The following EFCAB14 variants were observed in gnomAD, a reference collection of about 807,000 sequenced individuals.
EFCAB14 encodes EF-hand calcium-binding domain-containing protein 14.
In EFCAB14, 43 loss-of-function variants were observed where a neutral mutation model predicts 56.5. That is an observed-to-expected ratio of 0.76 (90% CI 0.60 to 0.98). The LOEUF (loss-of-function observed/expected upper bound fraction) is 0.98. Among genes scored for constraint, EFCAB14 ranks in the 50% least tolerant of loss-of-function variants. The probability of loss-of-function intolerance (pLI) is 0.00; values close to 1 mark genes in which losing one functional copy is unlikely to be tolerated. For missense variants in EFCAB14, 538 were observed against 580.3 expected (o/e 0.93, Z 0.75); for synonymous variants, 235 against 212.9 (o/e 1.10, Z -0.90).
At chr1:46,689,062 G>A (rs1676936353) in intron 6 of EFCAB14, among the ~76,000 whole-genome samples, 1 of 152,144 alleles carries the variant, frequency 6.6e-6, no homozygotes, top group East Asian at 1.9e-4. Context: ...GTTTTAAAGG[G>A]CATTAAACTC....
At position 46,718,460 on chromosome 1, in the gene EFCAB14, C is replaced by G. The variant is rs929765084; in HGVS notation, c.-373G>C. The G allele has an allele frequency of 3.6e-5, 6 of 164,404 alleles. No individual in the cohort carries two copies. The highest frequency in any genetic ancestry group is 1.4e-4 in the African/African-American group (6 of 41,910). 10.2% of individuals were successfully genotyped at this position (164,404 alleles called of 1,614,324 possible). On this transcript the variant is annotated 5_prime_UTR_variant, in exon 1 of 11. Transcript: ENST00000371933. ...CAGCCCGGATAAGTAGGCAATACTT[C>G]TAAGGGTGCTCCAGGAGGTGAGGAA... is the stretch of plus-strand genomic sequence containing the variant.
intron 3 of EFCAB14, among the ~76,000 whole-genome samples, chr1:46,707,304 A>G (rs1461637721): frequency 1.3e-5 from 2 of 152,258 alleles, no homozygotes; most frequent in African/African-American, 4.8e-5. Flanking sequence ...ATCCTTATAC[A>G]TACAAGATGC....
chr1:46,700,296 G>C (rs1158343850), intron 3 of EFCAB14, among the ~76,000 whole-genome samples: 2 of 152,164 alleles, frequency 1.3e-5, no homozygotes, highest in Non-Finnish European at 2.9e-5. Context: ...TCAAATAAGT[G>C]ACAGTTCTTT....
chr1:46,696,043 G>A (rs1433300132), intron 4 of EFCAB14, among the ~76,000 whole-genome samples: 5 of 151,112 alleles, frequency 3.3e-5, no homozygotes, highest in African/African-American at 4.9e-5. Context: ...AATTTCCTTC[G>A]TTCCACATAT....
chr1:46,704,287 TA>T (rs1677203576), intron 3 of EFCAB14, among the ~76,000 whole-genome samples: 1 of 150,656 alleles, frequency 6.6e-6, no homozygotes, highest in Non-Finnish European at 1.5e-5. Flanking sequence ...CCTGTCTCTA[TA>T]AAAAAGAAAA....
intron 3 of EFCAB14, among the ~76,000 whole-genome samples, chr1:46,706,569 T>A (rs938525938): frequency 6.6e-6 from 1 of 152,198 alleles, no homozygotes; most frequent in Non-Finnish European, 1.5e-5. Flanking sequence ...CTATATGGAA[T>A]CCCCAGTTTG....
At chr1:46,694,467 C>CA (rs1409607949) in intron 4 of EFCAB14, among the ~76,000 whole-genome samples, 2 of 152,186 alleles carry the variant, frequency 1.3e-5, no homozygotes, top group African/African-American at 4.8e-5. Context: ...AGCCAACAGA[C>CA]ACATGAAAAA....
Position 46,675,377 on chromosome 1 carries a change from C to T in EFCAB14, c.*3084G>A, listed in dbSNP as rs1361395313. On this transcript the variant is annotated 3_prime_UTR_variant, in exon 11 of 11. Transcript: ENST00000371933. ...AGGTAGGTTAGGTTCGTATAACAAA[C>T]AATACACGCTCTATAAAGTCTCAGG... 6.6e-6 allele frequency: 1 copy of T among 152,570 alleles called. No individual in the cohort carries two copies. Among genetic ancestry groups the T allele is most frequent in the Non-Finnish European group, 1.5e-5 (1 of 68,030 alleles). 9.5% of individuals were successfully genotyped at this position (152,570 alleles called of 1,614,324 possible).
chr1:46,706,823 A>C (rs962445727), intron 3 of EFCAB14, among the ~76,000 whole-genome samples: 3 of 152,252 alleles, frequency 2.0e-5, no homozygotes, highest in African/African-American at 4.8e-5. Flanking sequence ...AACTGAATGG[A>C]AAGTGTCATA....
At chr1:46,695,372 T>C (rs1410861699) in intron 4 of EFCAB14, among the ~76,000 whole-genome samples, 1 of 152,124 alleles carries the variant, frequency 6.6e-6, no homozygotes, top group Non-Finnish European at 1.5e-5. Context: ...CCCCTTTTTT[T>C]TCCCCCCGAA....
chr1:46,686,965 C>CT, intron 7 of EFCAB14, 95 bp from the exon 8 acceptor site: 2 of 1,163,376 alleles, frequency 1.7e-6, no homozygotes, highest in Non-Finnish European at 2.5e-6. Context: ...ATTCGTCAAA[C>CT]TTATTTAAAG....
chr1:46,707,804 C>T (rs868584823), intron 3 of EFCAB14, 102 bp downstream of exon 3: 1 of 1,217,278 alleles, frequency 8.2e-7, no homozygotes, highest in Admixed American at 2.7e-5. Flanking sequence ...GTAAAACAAA[C>T]TGAAATGAAT....
chr1:46,704,900 C>CTT (rs11443920), intron 3 of EFCAB14, among the ~76,000 whole-genome samples: 13 of 150,144 alleles, frequency 8.7e-5, no homozygotes, highest in East Asian at 7.8e-4. Flanking sequence ...AAACTAATGG[C>CTT]TTTTTTTTCA....
At chr1:46,685,179 C>G (rs1185537375) in intron 8 of EFCAB14, 1 of 152,254 alleles carries the variant, frequency 6.6e-6, no homozygotes, top group East Asian at 1.9e-4. Flanking sequence ...TGTAATATTT[C>G]TAATTCAAAG....
intron 1 of EFCAB14, 113 bp from the exon 2 acceptor site, chr1:46,716,556 G>A (rs1022148824): frequency 1.6e-6 from 2 of 1,226,382 alleles, no homozygotes; most frequent in Non-Finnish European, 2.3e-6. Flanking sequence ...AATAACCAGT[G>A]AATTAACCAG....
In EFCAB14 at chr1:46,683,044, T is replaced by C. The variant is rs552705835; in HGVS notation, c.1312+256A>G. Among the ~76,000 whole-genome samples the C allele has an allele frequency of 2.5e-4, 38 of 152,290 alleles. 1 individual carries two copies. Among genetic ancestry groups the C allele is most frequent in the African/African-American group, 7.0e-4 (29 of 41,570 alleles). ...AGCTTTGGCATCAGACTGTCTTGGT[T>C]TGCATTCTGTTTCAACCAATTATTT... On this transcript the variant is annotated intron_variant, in intron 10 of 10. Transcript: ENST00000371933.
At chr1:46,700,986 A>T (rs1473293) in intron 3 of EFCAB14, among the ~76,000 whole-genome samples, 17,163 of 142,626 alleles carry the variant, frequency 0.12, 1,223 homozygotes, top group Non-Finnish European at 0.16. Flanking sequence ...AGAGTGAGTG[A>T]GTGTGTGTGT....
intron 3 of EFCAB14, among the ~76,000 whole-genome samples, chr1:46,703,178 C>T (rs1677185039): frequency 6.6e-6 from 1 of 151,822 alleles, no homozygotes; most frequent in Non-Finnish European, 1.5e-5. Context: ...GGCACGATCT[C>T]AGCTCACTGC....
intron 4 of EFCAB14, among the ~76,000 whole-genome samples, chr1:46,693,075 G>A (rs1677024164): frequency 6.6e-6 from 1 of 151,950 alleles, no homozygotes; most frequent in African/African-American, 2.4e-5. Flanking sequence ...CAATACTGCA[G>A]AGATGAAAAA....
Sources: gnomAD v4.1 joint callset for allele counts (sites outside exome capture counted in the v4.1 genomes callset) on GRCh38, gnomAD v4.1.1 for gene constraint, MANE v1.5 for transcripts, NCBI Gene and HGNC (gene_info 2026-07-23, HGNC 2026-07-21) for gene names.